The following SCOC variants were observed in gnomAD, a reference collection of about 807,000 sequenced individuals.
SCOC encodes the protein short coiled-coil protein.
Under a neutral mutation model 9.9 loss-of-function variants are expected in SCOC, and 7 were observed. That is an observed-to-expected ratio of 0.71 (90% CI 0.40 to 1.33). The LOEUF is 1.33. Among genes scored for constraint, SCOC ranks in the 40% most tolerant of loss-of-function variants. The pLI is 0.01. For synonymous variants in SCOC, 19 were observed against 28.2 expected, an observed-to-expected ratio of 0.67 and a Z score of 1.03; for missense variants, 66 against 89.7, an observed-to-expected ratio of 0.74 and a Z score of 1.07.
chr4:140,316,312 G>A (rs552333145), intron 1 of SCOC, among the ~76,000 whole-genome samples: 210 of 152,144 alleles, frequency 1.4e-3, no homozygotes, highest in Non-Finnish European at 2.4e-3. Flanking sequence ...AGTCAATAAC[G>A]ACTTCCTAGA....
At position 140,365,559 on chromosome 4, in the gene SCOC, T is replaced by G. The variant is rs77584334; in HGVS notation, c.71-13562T>G. Among the ~76,000 whole-genome samples the G allele has an allele frequency of 8.9e-3, 1,361 of 152,310 alleles. 51 individuals carry two copies. Among genetic ancestry groups the G allele is most frequent in the Admixed American group, 0.073 (1,123 of 15,302 alleles). On this transcript the variant is annotated intron_variant, in intron 2 of 4. Coordinates refer to the SCOC transcript ENST00000338517. ...GCAAAAAGTCAGACAGAAATTACAA[T>G]GTATTTTCATAAAGTTTCACTGAGT...
At chr4:140,341,512 G>T (rs968185559), upstream of SCOC, among the ~76,000 whole-genome samples, 6 of 152,294 alleles carry the variant, frequency 3.9e-5, no homozygotes, top group East Asian at 3.9e-4. Context: ...CTACCTGTAG[G>T]ACTGTTGCCT....
At chr4:140,258,100 G>C (rs971453959) in intron 1 of SCOC, among the ~76,000 whole-genome samples, 3 of 152,204 alleles carry the variant, frequency 2.0e-5, no homozygotes, top group African/African-American at 7.2e-5. Flanking sequence ...CAGCATAGTG[G>C]ACTGTTGCCA....
chr4:140,357,917 G>A (rs1341919196), intron 2 of SCOC, among the ~76,000 whole-genome samples: 1 of 152,062 alleles, frequency 6.6e-6, no homozygotes, highest in South Asian at 2.1e-4. Context: ...TATCCACTGT[G>A]TCCTTTGTTG....
intron 1 of SCOC, among the ~76,000 whole-genome samples, chr4:140,279,732 G>A (rs1442318392): frequency 6.6e-6 from 1 of 152,178 alleles, no homozygotes; most frequent in Non-Finnish European, 1.5e-5. Context: ...AACCTTAGGT[G>A]CTGTAACAAA....
intron 1 of SCOC, chr4:140,373,975 C>G: frequency 3.1e-6 from 2 of 654,946 alleles, no homozygotes; most frequent in South Asian, 3.0e-5. Context: ...CTCGCGGTCC[C>G]TGACGCAGAC....
chr4:140,322,146 T>C (rs536932139), intron 1 of SCOC, among the ~76,000 whole-genome samples: 1 of 152,220 alleles, frequency 6.6e-6, no homozygotes, highest in African/African-American at 2.4e-5. Flanking sequence ...TTTGTTATAG[T>C]AGTCTAAAAC....
At chr4:140,326,938 A>G (rs1272964248) in intron 1 of SCOC, among the ~76,000 whole-genome samples, 1 of 152,164 alleles carries the variant, frequency 6.6e-6, no homozygotes, top group Non-Finnish European at 1.5e-5. Flanking sequence ...GCCATGATAA[A>G]TGTTGGAACT....
upstream of SCOC, among the ~76,000 whole-genome samples, chr4:140,339,483 C>G (rs1454056806): frequency 1.3e-5 from 2 of 152,136 alleles, no homozygotes; most frequent in African/African-American, 4.8e-5. Flanking sequence ...TTCTGCACAG[C>G]AAAAGAAACT....
intron 1 of SCOC, among the ~76,000 whole-genome samples, chr4:140,377,974 A>G (rs1353594248): frequency 2.0e-5 from 3 of 152,190 alleles, no homozygotes; most frequent in Non-Finnish European, 4.4e-5. Context: ...TTTCAGTAAT[A>G]ATCTGGTGAC....
rs1480576185 is a variant in SCOC, at chr4:140,298,614, A to G, written c.-19+41204A>G. ...CCCACCAGCCTCTGAGTTCTTGGGG[A>G]CCCACCAGCCTCTGAGTTCTTTCTT... On this transcript the variant is annotated intron_variant, in intron 1 of 4. Transcript: ENST00000394205. 3.3e-5 allele frequency among the ~76,000 whole-genome samples: 5 copies of G among 152,002 alleles called. 1 individual carries two copies. Among genetic ancestry groups the G allele is most frequent in the Admixed American group, 1.3e-4 (2 of 15,272 alleles).
At chr4:140,272,384 T>C (rs1363579967) in intron 1 of SCOC, among the ~76,000 whole-genome samples, 1 of 152,142 alleles carries the variant, frequency 6.6e-6, no homozygotes, top group Non-Finnish European at 1.5e-5. Flanking sequence ...TTTAGTAGGG[T>C]CCAGATCACC....
At chr4:140,322,625 G>C (rs1044948900) in intron 1 of SCOC, among the ~76,000 whole-genome samples, 1 of 152,196 alleles carries the variant, frequency 6.6e-6, no homozygotes, top group Non-Finnish European at 1.5e-5. Flanking sequence ...AAGCTGAGAA[G>C]TATTTTAGGA....
chr4:140,318,858 T>A (rs1320235623), intron 1 of SCOC, among the ~76,000 whole-genome samples: 1 of 152,192 alleles, frequency 6.6e-6, no homozygotes, highest in East Asian at 1.9e-4. Flanking sequence ...TAACTCAGTG[T>A]CTGAGGGGTT....
intron 1 of SCOC, chr4:140,373,973 C>T (rs1183700798): frequency 1.5e-6 from 1 of 658,598 alleles, no homozygotes; most frequent in Non-Finnish European, 2.8e-6. Flanking sequence ...CTCTCGCGGT[C>T]CCTGACGCAG....
At chr4:140,342,302 C>A (rs1280166245), upstream of SCOC, among the ~76,000 whole-genome samples, 1 of 152,122 alleles carries the variant, frequency 6.6e-6, no homozygotes, top group African/African-American at 2.4e-5. Context: ...CTCAAATGTC[C>A]CCTTCTCTAA....
intron 1 of SCOC, among the ~76,000 whole-genome samples, chr4:140,325,420 A>G (rs1578811223): frequency 6.6e-6 from 1 of 152,262 alleles, no homozygotes; most frequent in East Asian, 1.9e-4. Context: ...CAAATCACAT[A>G]TCTGACAAAG....
chr4:140,382,216 C>A lies in SCOC; in HGVS notation c.*1112C>A, dbSNP rs1334991947. ...CACTTGTTCTAGAATTTTCTGTAAA[C>A]CCTGCTACTGGGTTTGAAGAGTTTT... On this transcript the variant is annotated 3_prime_UTR_variant, in exon 4 of 4. Coordinates refer to ENST00000608372, the MANE Select transcript of SCOC (RefSeq NM_001153484.2). 6.6e-6 allele frequency: 1 copy of A among 152,112 alleles called. No homozygotes were observed. The highest frequency in any genetic ancestry group is 2.4e-5 in the African/African-American group (1 of 41,426). The allele number at this position is 152,112 out of a possible 1,614,324, so 9.4% of individuals were successfully genotyped here.
intron 1 of SCOC, among the ~76,000 whole-genome samples, chr4:140,334,766 C>G (rs997987034): frequency 1.7e-4 from 26 of 152,036 alleles, no homozygotes; most frequent in African/African-American, 2.4e-4. Flanking sequence ...CCCTCAGCCC[C>G]AGTACCATTC....
Sources: allele counts gnomAD v4.1 joint callset (sites outside exome capture counted in the v4.1 genomes callset), GRCh38; gene constraint gnomAD v4.1.1; transcripts MANE v1.5; gene names NCBI Gene and HGNC (gene_info 2026-07-23, HGNC 2026-07-21).